PDE7B: variants seen among roughly 807,000 people sequenced by gnomAD.
The protein encoded by PDE7B is 3',5'-cyclic-AMP phosphodiesterase 7B.
Under a neutral mutation model 56.2 loss-of-function variants are expected in PDE7B, and 29 were observed. That is an observed-to-expected ratio of 0.52 (90% CI 0.38 to 0.70). PDE7B has a LOEUF of 0.70. PDE7B is among the 30% of genes least tolerant of loss of function. PDE7B has a pLI of 0.00. For synonymous variants in PDE7B, 197 were observed against 196.9 expected (o/e 1.00, Z 0.00); for missense variants, 490 against 565.0 (o/e 0.87, Z 1.35).
At chr6:135,905,327 C>G (rs1409934391) in intron 1 of PDE7B, among the ~76,000 whole-genome samples, 1 of 141,664 alleles carries the variant, frequency 7.1e-6, no homozygotes, top group Non-Finnish European at 1.5e-5. Context: ...ATGATGCATA[C>G]ATACATGCGT....
chr6:136,138,887 T>C (rs1778262814), intron 3 of PDE7B, among the ~76,000 whole-genome samples: 1 of 152,170 alleles, frequency 6.6e-6, no homozygotes, highest in Non-Finnish European at 1.5e-5. Flanking sequence ...CATTATATGC[T>C]ACATGTTTTA....
chr6:135,867,111 C>A (rs1348485005), intron 1 of PDE7B, among the ~76,000 whole-genome samples: 2 of 152,070 alleles, frequency 1.3e-5, no homozygotes, highest in African/African-American at 2.4e-5. Flanking sequence ...AGAGTCCAAT[C>A]ATTAATAATT....
rs551642873 is a variant in PDE7B, at chr6:136,107,177, C to A, written c.83-1554C>A. ...TGCATGAGTTGCAGCTGATGGGGAT[C>A]TCACCCAGGCCCTGAGTTCCTCCAG... On this transcript the variant is annotated intron_variant, in intron 2 of 12. Transcript: ENST00000308191. Among the ~76,000 whole-genome samples, 7 of 152,270 alleles carry A rather than the reference C, an allele frequency of 4.6e-5. No homozygotes were observed. The South Asian group carries it at 1.5e-3, about 32-fold the overall frequency.
intron 1 of PDE7B, among the ~76,000 whole-genome samples, chr6:135,855,668 CA>C (rs1197771145): frequency 1.3e-5 from 2 of 152,146 alleles, no homozygotes; most frequent in African/African-American, 2.4e-5. Flanking sequence ...TTTGGTAAAT[CA>C]AATCCGTACA....
chr6:135,924,846 G>A (rs757534393), intron 1 of PDE7B, among the ~76,000 whole-genome samples: 1 of 151,638 alleles, frequency 6.6e-6, no homozygotes, highest in Non-Finnish European at 1.5e-5. Flanking sequence ...TTGTCATATA[G>A]TAGAAGTGGT....
At chr6:135,854,127 C>A (rs1774983665) in intron 1 of PDE7B, among the ~76,000 whole-genome samples, 1 of 152,056 alleles carries the variant, frequency 6.6e-6, no homozygotes, top group South Asian at 2.1e-4. Context: ...GGGAATGTAC[C>A]ACCTGGAAAA....
intron 2 of PDE7B, among the ~76,000 whole-genome samples, chr6:136,010,321 C>T (rs1004720352): frequency 6.6e-6 from 1 of 151,676 alleles, no homozygotes; most frequent in East Asian, 1.9e-4. Context: ...ACAATCTATA[C>T]CAGGTTTTAG....
intron 12 of PDE7B, among the ~76,000 whole-genome samples, chr6:136,188,275 T>C (rs1456156553): frequency 1.3e-5 from 2 of 149,926 alleles, no homozygotes; most frequent in African/African-American, 2.5e-5. Flanking sequence ...TTTTTTTTTT[T>C]CAAATTGTCC....
At chr6:135,853,601 G>C (rs1424850984) in intron 1 of PDE7B, among the ~76,000 whole-genome samples, 1 of 152,144 alleles carries the variant, frequency 6.6e-6, no homozygotes, top group East Asian at 1.9e-4. Flanking sequence ...TCCAAAAACT[G>C]TCTCTGCCTT....
At chr6:135,855,957 A>G (rs1382673629) in intron 1 of PDE7B, among the ~76,000 whole-genome samples, 1 of 152,142 alleles carries the variant, frequency 6.6e-6, no homozygotes, top group East Asian at 1.9e-4. Flanking sequence ...CCATTTCTTC[A>G]TCTTTAAGGC....
At chr6:136,100,106 G>A (rs2128217069) in intron 2 of PDE7B, among the ~76,000 whole-genome samples, 1 of 152,258 alleles carries the variant, frequency 6.6e-6, no homozygotes, top group African/African-American at 2.4e-5. Flanking sequence ...TTATTTCTGA[G>A]GCCTCTGTTC....
At chr6:136,067,883 T>C (rs770062250) in intron 2 of PDE7B, among the ~76,000 whole-genome samples, 1 of 152,080 alleles carries the variant, frequency 6.6e-6, no homozygotes, top group African/African-American at 2.4e-5. Flanking sequence ...CCAGAATCAA[T>C]GAAAAGAGAA....
intron 12 of PDE7B, among the ~76,000 whole-genome samples, chr6:136,190,278 T>C (rs959639476): frequency 6.6e-6 from 1 of 152,160 alleles, no homozygotes; most frequent in Non-Finnish European, 1.5e-5. Flanking sequence ...AAGTCACTGG[T>C]TTAACTTTCC....
intron 1 of PDE7B, among the ~76,000 whole-genome samples, chr6:135,876,518 C>A (rs1389579686): frequency 6.6e-6 from 1 of 152,178 alleles, no homozygotes; most frequent in African/African-American, 2.4e-5. Context: ...GCATCTCCTA[C>A]CTTTTCTCAC....
chr6:135,893,802 T>TCCCAAG (rs1322675705), intron 1 of PDE7B, among the ~76,000 whole-genome samples: 4 of 152,214 alleles, frequency 2.6e-5, no homozygotes, highest in Admixed American at 2.6e-4. Context: ...TAGAAATTAA[T>TCCCAAG]AATGACAATA....
At chr6:136,106,263 C>T (rs943709821) in intron 2 of PDE7B, among the ~76,000 whole-genome samples, 2 of 152,182 alleles carry the variant, frequency 1.3e-5, no homozygotes, top group African/African-American at 4.8e-5. Context: ...TATTTAAAGT[C>T]AGTGAGTCTA....
intron 2 of PDE7B, chr6:136,043,993 T>G (rs1206067102): frequency 1.3e-5 from 2 of 152,184 alleles, no homozygotes; most frequent in Non-Finnish European, 2.9e-5. Flanking sequence ...GTACTCATAT[T>G]CCACCCAGAC....
intron 4 of PDE7B, among the ~76,000 whole-genome samples, chr6:136,148,852 A>G (rs555467330): frequency 2.3e-4 from 35 of 152,282 alleles, no homozygotes; most frequent in African/African-American, 8.4e-4. Context: ...CGCAATCTAA[A>G]CCTCAAAAAT....
chr6:136,156,228 C>T (rs753963055), intron 8 of PDE7B, among the ~76,000 whole-genome samples: 6 of 149,582 alleles, frequency 4.0e-5, no homozygotes, highest in Non-Finnish European at 8.9e-5. Context: ...CTTGCTTTCT[C>T]ACCCAGGCTG....
Sources: gnomAD v4.1 joint callset for allele counts (sites outside exome capture counted in the v4.1 genomes callset) on GRCh38, gnomAD v4.1.1 for gene constraint, MANE v1.5 for transcripts, NCBI Gene and HGNC (gene_info 2026-07-23, HGNC 2026-07-21) for gene names.